PDZRN3: variants seen among roughly 807,000 people sequenced by gnomAD.
PDZRN3 encodes PDZ domain containing ring finger 3, also known as E3 ubiquitin-protein ligase PDZRN3.
A neutral mutation model predicts 85.7 loss-of-function variants in PDZRN3; 38 were observed. That is an observed-to-expected ratio of 0.44 (90% CI 0.34 to 0.58). PDZRN3 has a LOEUF of 0.58. Ranked by LOEUF, PDZRN3 falls within the 20% of genes least tolerant of loss-of-function variation. The probability of loss-of-function intolerance (pLI) is 0.01; values close to 1 mark genes in which losing one functional copy is unlikely to be tolerated. For synonymous variants in PDZRN3, 759 were observed against 638.0 expected (o/e 1.19, Z -2.86); for missense variants, 1,629 against 1,506.4 (o/e 1.08, Z -1.35).
intron 3 of PDZRN3, among the ~76,000 whole-genome samples, chr3:73,568,381 T>C (rs1425046831): frequency 1.3e-5 from 2 of 152,236 alleles, no homozygotes; most frequent in Admixed American, 6.5e-5. Context: ...TAGACACTCA[T>C]TGCTGTCATA....
rs980294066 is a variant in PDZRN3 at position 73,624,178 on chromosome 3, G to A, written c.648C>T (p.Tyr216=). ...CGCTGTATTCGGTGAATTTCTTCTG[G>A]TAGCGCAGCGCGGTCATCTGCAGCT... is the stretch of plus-strand genomic sequence containing the variant. ...QLELQMTALR[Y]QKKFTEYSAR... Residue 216 remains tyrosine, a synonymous_variant, in exon 1 of 10, where the codon TAC becomes TAT. Transcript: ENST00000263666. 5 of 1,503,058 alleles carry A rather than the reference G, an allele frequency of 3.3e-6. No individual in the cohort carries two copies. In the African/African-American group the frequency reaches 5.8e-5, roughly 17 times the overall value. 93.1% of individuals were successfully genotyped at this position (1,503,058 alleles called of 1,614,324 possible). A position where few individuals can be genotyped will look rare whatever the true frequency, so the allele number is the denominator to read the frequency against.
At chr3:73,421,612 C>T (rs1702204421) in intron 3 of PDZRN3, among the ~76,000 whole-genome samples, 1 of 152,186 alleles carries the variant, frequency 6.6e-6, no homozygotes, top group African/African-American at 2.4e-5. Flanking sequence ...TATAAGATAT[C>T]ACCTTGATAC....
At chr3:73,536,915 G>A (rs1033588611) in intron 3 of PDZRN3, among the ~76,000 whole-genome samples, 4 of 152,054 alleles carry the variant, frequency 2.6e-5, no homozygotes, top group Non-Finnish European at 4.4e-5. Context: ...AGTTGTTTTC[G>A]TTGCATATAA....
chr3:73,602,791 T>A (rs1702533872), intron 2 of PDZRN3, among the ~76,000 whole-genome samples: 1 of 152,246 alleles, frequency 6.6e-6, no homozygotes, highest in Non-Finnish European at 1.5e-5. Flanking sequence ...TGTTCCTTTT[T>A]GCATACAAAT....
intron 3 of PDZRN3, among the ~76,000 whole-genome samples, chr3:73,551,409 G>A (rs181101725): frequency 6.6e-6 from 1 of 152,252 alleles, no homozygotes; most frequent in Admixed American, 6.5e-5. Context: ...GAGGCCAGGA[G>A]TGGTGACTCA....
chr3:73,452,656 G>A (rs547547551), intron 3 of PDZRN3, among the ~76,000 whole-genome samples: 1 of 152,270 alleles, frequency 6.6e-6, no homozygotes, highest in South Asian at 2.1e-4. Flanking sequence ...GATTTTTAAA[G>A]CATATGCATC....
intron 3 of PDZRN3, among the ~76,000 whole-genome samples, chr3:73,532,635 T>G (rs1235632466): frequency 6.6e-6 from 1 of 152,226 alleles, no homozygotes; most frequent in Non-Finnish European, 1.5e-5. Context: ...GATTGGAACT[T>G]GGGTCTGCAT....
intron 3 of PDZRN3, among the ~76,000 whole-genome samples, chr3:73,575,898 T>C (rs1173368035): frequency 6.6e-6 from 1 of 152,178 alleles, no homozygotes; most frequent in Non-Finnish European, 1.5e-5. Flanking sequence ...AACAAATGTA[T>C]ATTTGACTGC....
At position 73,400,960 on chromosome 3, in the gene PDZRN3, T is replaced by C. The variant is rs1445417369; in HGVS notation, c.1216A>G (p.Ile406Val). The change falls in exon 5 of 10, where the codon ATC becomes GTC. Residue 406 changes from isoleucine (I) to valine (V), a missense_variant. By Grantham distance (29) the Ile-to-Val change is conservative. Transcript: ENST00000263666. The stretch of plus-strand genomic sequence containing the variant: ...TCCTCCCTGTCCATCTCCTGATGGA[T>C]GTCTCCAATGTAGTCATTTGGATCG... ...YYDPNDYIGDIHQEMDREELE... is the reference protein window; with the variant it reads ...YYDPNDYIGDVHQEMDREELE... 3.1e-6 allele frequency: 5 copies of C among 1,613,812 alleles called. No homozygotes were observed. The Middle Eastern group carries it at 5.0e-4, about 160-fold the overall frequency.
chr3:73,544,336 A>G (rs779252844), intron 3 of PDZRN3, among the ~76,000 whole-genome samples: 2 of 152,166 alleles, frequency 1.3e-5, no homozygotes, highest in Non-Finnish European at 2.9e-5. Context: ...TATACACAGT[A>G]TTTTTAAACT....
At chr3:73,427,881 G>A (rs1036308072) in intron 3 of PDZRN3, among the ~76,000 whole-genome samples, 1 of 152,208 alleles carries the variant, frequency 6.6e-6, no homozygotes, top group African/African-American at 2.4e-5. Flanking sequence ...CAGGTGATAA[G>A]CAAGCCAACA....
At chr3:73,398,481 G>A (rs1257343065) in intron 5 of PDZRN3, among the ~76,000 whole-genome samples, 1 of 152,108 alleles carries the variant, frequency 6.6e-6, no homozygotes, top group Non-Finnish European at 1.5e-5. Context: ...AAGATCTAGG[G>A]GGCCAAGTTT....
intron 3 of PDZRN3, among the ~76,000 whole-genome samples, chr3:73,427,656 A>G (rs1257807653): frequency 6.6e-6 from 1 of 152,218 alleles, no homozygotes; most frequent in African/African-American, 2.4e-5. Flanking sequence ...TGTGGAAACC[A>G]TTAGAGACCA....
At chr3:73,493,771 C>T (rs1386886929) in intron 3 of PDZRN3, among the ~76,000 whole-genome samples, 2 of 152,158 alleles carry the variant, frequency 1.3e-5, no homozygotes, top group African/African-American at 2.4e-5. Context: ...TGGCACATGC[C>T]CTAAACTGGG....
intron 3 of PDZRN3, among the ~76,000 whole-genome samples, chr3:73,423,815 G>T (rs972538277): frequency 6.6e-6 from 1 of 152,104 alleles, no homozygotes; most frequent in South Asian, 2.1e-4. Context: ...TTTAATAAAA[G>T]ATATTTATTC....
chr3:73,441,387 T>C (rs372504694), intron 3 of PDZRN3, among the ~76,000 whole-genome samples: 1 of 121,704 alleles, frequency 8.2e-6, no homozygotes. Context: ...CACTTCAGTC[T>C]GGTGACATAG....
At chr3:73,622,326 A>C (rs1313828487) in intron 1 of PDZRN3, among the ~76,000 whole-genome samples, 1 of 152,210 alleles carries the variant, frequency 6.6e-6, no homozygotes, top group African/African-American at 2.4e-5. Flanking sequence ...TGTGCACGTA[A>C]GGAAAGGGGG....
rs896206620 is a variant in PDZRN3 at position 73,624,670 on chromosome 3, G to A, written c.156C>T (p.Cys52=). 4 of 1,526,872 alleles carry A rather than the reference G, an allele frequency of 2.6e-6. No individual in the cohort carries two copies. In the African/African-American group the frequency reaches 5.7e-5, roughly 22 times the overall value. The allele number at this position is 1,526,872 out of a possible 1,614,324, so 94.6% of individuals were successfully genotyped here. The change falls in exon 1 of 10, where the codon TGC becomes TGT. Residue 52 remains cysteine, a synonymous_variant. Coordinates refer to ENST00000263666, the MANE Select transcript of PDZRN3 (RefSeq NM_015009.3). ...ACAGGCGACCGCGGCAGCGCGCCGG[G>A]CAGCTGCCCTCCTGCACCACCCAGG... ...VLPWVVQEGS[C]PARCRGRLSA...
chr3:73,470,076 C>A (rs1004970514), intron 3 of PDZRN3, among the ~76,000 whole-genome samples: 3 of 152,086 alleles, frequency 2.0e-5, no homozygotes, highest in Non-Finnish European at 4.4e-5. Flanking sequence ...GGCAAAATTG[C>A]CTCCAGGTGA....
Sources: allele counts gnomAD v4.1 joint callset (sites outside exome capture counted in the v4.1 genomes callset), GRCh38; gene constraint gnomAD v4.1.1; transcripts MANE v1.5; gene names NCBI Gene and HGNC (gene_info 2026-07-23, HGNC 2026-07-21).